RAB12: variants seen among roughly 807,000 people sequenced by gnomAD.
The protein encoded by RAB12 is RAB12, member RAS oncogene family, also known as ras-related protein Rab-12.
A neutral mutation model predicts 28.4 loss-of-function variants in RAB12; 11 were observed. That is an observed-to-expected ratio of 0.39 (90% CI 0.24 to 0.64). The LOEUF is 0.64. RAB12 is among the 30% of genes least tolerant of loss of function. The pLI is 0.50. For synonymous variants in RAB12, 138 were observed against 145.3 expected (o/e 0.95, Z 0.36); for missense variants, 276 against 351.1 (o/e 0.79, Z 1.71).
chr18:8,610,179 C>T (rs2096002925), intron 1 of RAB12: 2 of 442,610 alleles, frequency 4.5e-6, no homozygotes, highest in Non-Finnish European at 8.2e-6. Flanking sequence ...CCCGGCCCTG[C>T]CTCAGAGGTC....
chr18:8,609,649 G>C lies in RAB12; in HGVS notation c.210G>C (p.Glu70Asp), dbSNP rs2096002519. 2.6e-6 allele frequency: 2 copies of C among 761,484 alleles called. No individual in the cohort carries two copies. Among genetic ancestry groups the C allele is most frequent in the Admixed American group, 1.3e-4 (2 of 15,424 alleles). 47.2% of individuals were successfully genotyped at this position (761,484 alleles called of 1,614,324 possible). A position where few individuals can be genotyped will look rare whatever the true frequency, so the allele number is the denominator to read the frequency against. Residue 70 changes from glutamate (E) to aspartate (D), a missense_variant, in exon 1 of 6, where the codon GAG becomes GAC. By Grantham distance (45) the Glu-to-Asp change is conservative. Around this residue, in one of 4 missense-constraint regions of RAB12, gnomAD observed 72 missense variants for 55.5 expected, o/e 1.30. Coordinates refer to ENST00000649141, the MANE Select transcript of RAB12 (RefSeq NM_001025300.3). ...GADPPRAAEA[E>D]GAPGPGARSR... ...ACCCCCCGCGCGCGGCGGAGGCCGAGGGGGCGCCGGGGCCCGGGGCGCGCA... is the reference window on the plus strand; with the variant it reads ...ACCCCCCGCGCGCGGCGGAGGCCGACGGGGCGCCGGGGCCCGGGGCGCGCA...
intron 2 of RAB12, among the ~76,000 whole-genome samples, chr18:8,627,918 T>C (rs1598311914): frequency 6.6e-6 from 1 of 152,204 alleles, no homozygotes. Context: ...TTTAAGTGGC[T>C]ATATTAAATA....
Position 8,638,295 on chromosome 18 carries a change from C to A in RAB12, c.*33C>A. ...CTTTGGAGACAAAGTGGAAATGATT[C>A]CTGGAAAGGGGAAAAAACGTTCTAT... On this transcript the variant is annotated 3_prime_UTR_variant, in exon 6 of 6. Transcript: ENST00000649141. 1 of 1,490,662 alleles carries A rather than the reference C, an allele frequency of 6.7e-7. No individual in the cohort carries two copies. Among genetic ancestry groups the A allele is most frequent in the Non-Finnish European group, 9.3e-7 (1 of 1,069,756 alleles). The allele number at this position is 1,490,662 out of a possible 1,614,324, so 92.3% of individuals were successfully genotyped here.
chr18:8,636,278 G>C lies in RAB12; in HGVS notation c.830G>C (p.Arg277Pro). 6.2e-7 allele frequency: 1 copy of C among 1,613,404 alleles called. No homozygotes were observed. Among genetic ancestry groups the C allele is most frequent in the Non-Finnish European group, 8.5e-7 (1 of 1,179,386 alleles). ...TTTGCACAGCAGATCACTGGGATGC[G>C]GTTCTGTGAAGCAAGTGCCAAGGAT... The part of the protein sequence containing the change: ...EKFAQQITGM[R>P]FCEASAKDNF... Residue 277 changes from arginine (R) to proline (P), a missense_variant, in exon 5 of 6, where the codon CGG becomes CCG. Around this residue, in one of 4 missense-constraint regions of RAB12, gnomAD observed 127 missense variants for 161.4 expected, o/e 0.79. Coordinates refer to ENST00000649141, the MANE Select transcript of RAB12 (RefSeq NM_001025300.3).
chr18:8,611,213 C>T (rs2096003600), intron 1 of RAB12, among the ~76,000 whole-genome samples: 1 of 152,112 alleles, frequency 6.6e-6, no homozygotes, highest in South Asian at 2.1e-4. Flanking sequence ...TTCAAATATC[C>T]AGTCTTGGAT....
intron 3 of RAB12, 90 bp downstream of exon 3, chr18:8,633,417 G>T (rs146687597): frequency 2.0e-4 from 288 of 1,446,938 alleles, no homozygotes; most frequent in Non-Finnish European, 2.6e-4. Context: ...CATGTATTGA[G>T]CATGTTTTCA....
chr18:8,630,718 G>GT (rs1039044506), intron 2 of RAB12, among the ~76,000 whole-genome samples: 5 of 152,240 alleles, frequency 3.3e-5, no homozygotes, highest in African/African-American at 1.2e-4. Flanking sequence ...GATGTGGCCA[G>GT]TGTCAGCCTG....
chr18:8,636,117 T>C, intron 4 of RAB12, 136 bp from the exon 5 acceptor site: 1 of 660,744 alleles, frequency 1.5e-6, no homozygotes, highest in African/African-American at 1.8e-5. Context: ...ACTTGTGAAC[T>C]TTATCTTTGA....
At chr18:8,615,988 T>G (rs1457042175) in intron 1 of RAB12, among the ~76,000 whole-genome samples, 2 of 152,224 alleles carry the variant, frequency 1.3e-5, no homozygotes, top group Admixed American at 6.5e-5. Context: ...AGTAGGTTCC[T>G]TTGAGAACTG....
At position 8,638,171 on chromosome 18, in the gene RAB12, A is replaced by T; in HGVS notation, c.932A>T (p.Asn311Ile). The T allele has an allele frequency of 6.2e-7, 1 of 1,613,388 alleles. No homozygotes were observed. The highest frequency in any genetic ancestry group is 8.5e-7 in the Non-Finnish European group (1 of 1,179,430). The change falls in exon 6 of 6, where the codon AAT becomes ATT. Residue 311 changes from asparagine (N) to isoleucine (I), a missense_variant. This residue lies in a region of RAB12 where 127 missense variants were observed against 161.4 expected (regional missense o/e 0.79). Transcript: ENST00000649141. ...TAGATGCCTCTGGATATTTTAAGGA[A>T]TGAGTTGTCCAATAGTATCCTGTCG... is the stretch of plus-strand genomic sequence containing the variant. ...LKKMPLDILR[N>I]ELSNSILSLQ...
At chr18:8,627,514 A>T (rs1005253680) in intron 2 of RAB12, among the ~76,000 whole-genome samples, 5 of 152,256 alleles carry the variant, frequency 3.3e-5, no homozygotes, top group African/African-American at 1.2e-4. Flanking sequence ...TGTGGTCAGA[A>T]AAAGGACCAT....
At chr18:8,620,164 T>TTG (rs1241560251) in intron 1 of RAB12, among the ~76,000 whole-genome samples, 1 of 55,350 alleles carries the variant, frequency 1.8e-5, no homozygotes, top group African/African-American at 1.0e-4. Context: ...TTTTTTTGCT[T>TTG]CAAAAAAAAA....
chr18:8,629,845 C>T (rs1467044005), intron 2 of RAB12, among the ~76,000 whole-genome samples: 1 of 152,172 alleles, frequency 6.6e-6, no homozygotes, highest in Non-Finnish European at 1.5e-5. Flanking sequence ...TGGTGAGAGG[C>T]TCTGGTGGCC....
At chr18:8,613,335 T>C (rs321661) in intron 1 of RAB12, among the ~76,000 whole-genome samples, 4,116 of 152,308 alleles carry the variant, frequency 0.027, 158 homozygotes, top group African/African-American at 0.093. Context: ...CTAAAGAAAT[T>C]TACAACTAAC....
intron 2 of RAB12, among the ~76,000 whole-genome samples, chr18:8,632,209 C>T (rs2096016353): frequency 1.4e-5 from 2 of 144,508 alleles, no homozygotes. Flanking sequence ...ACTCGGGAGG[C>T]AGAGGTTGCA....
At chr18:8,617,332 C>A (rs1036054254) in intron 1 of RAB12, among the ~76,000 whole-genome samples, 2 of 152,092 alleles carry the variant, frequency 1.3e-5, no homozygotes, top group Admixed American at 1.3e-4. Flanking sequence ...AATCACATGT[C>A]CTGGGTAAAA....
chr18:8,622,464 A>G lies in RAB12; in HGVS notation c.515-2474A>G, dbSNP rs181453056. On this transcript the variant is annotated intron_variant, in intron 1 of 5. Transcript: ENST00000649141. ...ATGTCGGTAGGTTCCGTGATGCCCC[A>G]CAAGCCACAAAACCAGCAAGTTTTT... is the stretch of plus-strand genomic sequence containing the variant. Among the ~76,000 whole-genome samples, 1,030 of 152,290 alleles carry G rather than the reference A, an allele frequency of 6.8e-3. 6 individuals carry two copies. Among genetic ancestry groups the G allele is most frequent in the Middle Eastern group, 0.02 (6 of 294 alleles).
chr18:8,617,884 C>T (rs2096007564), intron 1 of RAB12, among the ~76,000 whole-genome samples: 1 of 152,150 alleles, frequency 6.6e-6, no homozygotes, highest in African/African-American at 2.4e-5. Flanking sequence ...ATATATACCT[C>T]ATAATATTGT....
intron 1 of RAB12, among the ~76,000 whole-genome samples, chr18:8,612,640 G>A (rs2096004491): frequency 6.6e-6 from 1 of 152,188 alleles, no homozygotes; most frequent in Non-Finnish European, 1.5e-5. Flanking sequence ...TAGGCTAGGA[G>A]AGTGTTTCCA....
Sources: allele counts gnomAD v4.1 joint callset (sites outside exome capture counted in the v4.1 genomes callset), GRCh38; gene constraint gnomAD v4.1.1; regional missense constraint gnomAD v4.1.1; transcripts MANE v1.5; gene names NCBI Gene and HGNC (gene_info 2026-07-23, HGNC 2026-07-21).